COL25A1: variants seen among roughly 807,000 people sequenced by gnomAD.
The protein encoded by COL25A1 is collagen type XXV alpha 1 chain, also known as collagen alpha-1(XXV) chain.
A neutral mutation model predicts 128.4 loss-of-function variants in COL25A1; 103 were observed. That is an observed-to-expected ratio of 0.80 (90% CI 0.68 to 0.94). COL25A1 has a LOEUF of 0.94. Among genes scored for constraint, COL25A1 ranks in the 40% least tolerant of loss-of-function variants. The pLI is 0.00. For synonymous variants in COL25A1, 279 were observed against 277.2 expected, an observed-to-expected ratio of 1.01 and a Z score of -0.06; for missense variants, 745 against 840.0, an observed-to-expected ratio of 0.89 and a Z score of 1.40.
chr4:109,143,556 T>G (rs760365848), intron 3 of COL25A1, among the ~76,000 whole-genome samples: 3 of 152,230 alleles, frequency 2.0e-5, no homozygotes, highest in Non-Finnish European at 4.4e-5. Context: ...CAAACATAGG[T>G]TTGGTCTTTT....
intron 3 of COL25A1, among the ~76,000 whole-genome samples, chr4:109,272,438 T>C (rs1173294104): frequency 3.9e-5 from 6 of 152,124 alleles, no homozygotes; most frequent in Admixed American, 2.6e-4. Flanking sequence ...CTGGAAATCA[T>C]TTAATCCAAT....
chr4:109,166,213 T>C (rs1477305712), intron 3 of COL25A1, among the ~76,000 whole-genome samples: 1 of 151,776 alleles, frequency 6.6e-6, no homozygotes, highest in African/African-American at 2.4e-5. Flanking sequence ...TTCCATGGCA[T>C]ATTCCAGATT....
intron 6 of COL25A1, among the ~76,000 whole-genome samples, chr4:109,008,004 G>C (rs1054250484): frequency 2.0e-5 from 3 of 152,064 alleles, no homozygotes; most frequent in Admixed American, 2.0e-4. Context: ...TGCATTTAAT[G>C]CTGCCTTTAT....
intron 3 of COL25A1, among the ~76,000 whole-genome samples, chr4:109,094,546 A>C (rs1024147026): frequency 2.0e-5 from 3 of 152,140 alleles, no homozygotes; most frequent in Admixed American, 2.0e-4. Context: ...GGAATCGTCT[A>C]CCCCCTTCTT....
chr4:109,235,255 G>A (rs1033359876), intron 3 of COL25A1, among the ~76,000 whole-genome samples: 1 of 152,140 alleles, frequency 6.6e-6, no homozygotes, highest in African/African-American at 2.4e-5. Flanking sequence ...GCCAGAGTCA[G>A]TGACACCAGT....
chr4:109,119,623 G>T (rs72617754), intron 3 of COL25A1, among the ~76,000 whole-genome samples: 4,935 of 151,978 alleles, frequency 0.032, 144 homozygotes, highest in South Asian at 0.13. Context: ...ATCTGAGTAC[G>T]CCTATTAATG....
chr4:108,872,371 G>T (rs1738831079), intron 19 of COL25A1, among the ~76,000 whole-genome samples: 1 of 152,184 alleles, frequency 6.6e-6, no homozygotes, highest in Non-Finnish European at 1.5e-5. Flanking sequence ...AGCTAAGATT[G>T]CGCCACTGCA....
intron 8 of COL25A1, among the ~76,000 whole-genome samples, chr4:108,966,603 C>T (rs937603068): frequency 6.6e-6 from 1 of 152,114 alleles, no homozygotes; most frequent in African/African-American, 2.4e-5. Context: ...AATCCCAGCA[C>T]TCAGGGTAGG....
At chr4:109,027,297 A>G (rs1758391172) in intron 5 of COL25A1, among the ~76,000 whole-genome samples, 1 of 152,170 alleles carries the variant, frequency 6.6e-6, no homozygotes, top group Non-Finnish European at 1.5e-5. Flanking sequence ...TGAATGGAAA[A>G]AAGGAGGAAA....
chr4:108,814,975 T>G (rs1731113355), intron 37 of COL25A1, among the ~76,000 whole-genome samples: 2 of 152,196 alleles, frequency 1.3e-5, no homozygotes, highest in South Asian at 4.1e-4. Flanking sequence ...GGAGGCTGCT[T>G]TCTAATCTTC....
chr4:109,008,554 T>C lies in COL25A1; in HGVS notation c.438+1804A>G, dbSNP rs181952115. ...AGAGGTCCTATTAAAAATTAAAATA[T>C]GTTAAAGATTACAATCTCTCAAAAC... On this transcript the variant is annotated intron_variant, in intron 6 of 37. Coordinates refer to ENST00000399132, the MANE Select transcript of COL25A1 (RefSeq NM_198721.4). Among the ~76,000 whole-genome samples the C allele has an allele frequency of 3.3e-4, 51 of 152,284 alleles. No homozygotes were observed. In the East Asian group the frequency reaches 6.0e-3, roughly 18 times the overall value.
rs533284292 is a variant in COL25A1 at position 109,287,882 on chromosome 4, A to G, written c.367+12701T>C. Among the ~76,000 whole-genome samples the G allele has an allele frequency of 2.6e-5, 4 of 152,326 alleles. No homozygotes were observed. In the East Asian group the frequency reaches 7.7e-4, roughly 29 times the overall value. On this transcript the variant is annotated intron_variant, in intron 3 of 37. Transcript: ENST00000399132. ...GGGTAGAAGAGGTAAAGCAAGATCAAACAAGGCAGACCAATGGGAGACATA... is the reference window on the plus strand; with the variant it reads ...GGGTAGAAGAGGTAAAGCAAGATCAGACAAGGCAGACCAATGGGAGACATA...
intron 3 of COL25A1, among the ~76,000 whole-genome samples, chr4:109,080,650 G>A (rs777398106): frequency 5.9e-5 from 9 of 152,076 alleles, no homozygotes; most frequent in Admixed American, 1.3e-4. Context: ...TGTTGAACCC[G>A]GGGTTCTAAT....
rs1303814274 is a variant in COL25A1 at position 109,301,931 on chromosome 4, G to A, written c.89C>T (p.Thr30Ile). The A allele has an allele frequency of 1.1e-5, 17 of 1,613,976 alleles. No individual in the cohort carries two copies. Among genetic ancestry groups the A allele is most frequent in the Non-Finnish European group, 1.4e-5 (17 of 1,180,034 alleles). ...PTPAEQHCARTMPPCAVLAAL... is the reference protein window; with the variant it reads ...PTPAEQHCARIMPPCAVLAAL... ...CGCCAGGACGGCACACGGGGGCATG[G>A]TCCGGGCACAATGCTGTTCGGCAGG... The change falls in exon 2 of 38, where the codon ACC (threonine) becomes ATC (isoleucine). Residue 30 changes from threonine to isoleucine, a missense_variant. Thr to Ile is a moderately conservative substitution (Grantham distance 89). Coordinates refer to ENST00000399132, the MANE Select transcript of COL25A1 (RefSeq NM_198721.4).
chr4:109,287,056 AC>A (rs541944353), intron 3 of COL25A1, among the ~76,000 whole-genome samples: 1 of 152,134 alleles, frequency 6.6e-6, no homozygotes, highest in Non-Finnish European at 1.5e-5. Flanking sequence ...ATACACACAC[AC>A]AAAAAAATCC....
chr4:109,235,861 T>C (rs1779441944), intron 3 of COL25A1, among the ~76,000 whole-genome samples: 1 of 152,090 alleles, frequency 6.6e-6, no homozygotes, highest in Admixed American at 6.6e-5. Context: ...CATTATCTAT[T>C]TATAGCAAAG....
At chr4:109,248,738 T>C (rs1197420002) in intron 3 of COL25A1, among the ~76,000 whole-genome samples, 1 of 151,968 alleles carries the variant, frequency 6.6e-6, no homozygotes, top group Non-Finnish European at 1.5e-5. Flanking sequence ...AGCTGATTAA[T>C]GAGGGGTGGG....
At chr4:108,871,177 T>A (rs1187144654) in intron 19 of COL25A1, among the ~76,000 whole-genome samples, 1 of 152,148 alleles carries the variant, frequency 6.6e-6, no homozygotes, top group Non-Finnish European at 1.5e-5. Flanking sequence ...GTATGGAAAG[T>A]TCTTTTTTTT....
intron 3 of COL25A1, among the ~76,000 whole-genome samples, chr4:109,095,884 T>C (rs1165593877): frequency 2.0e-5 from 3 of 152,100 alleles, no homozygotes; most frequent in African/African-American, 4.8e-5. Context: ...CAGCACAAAA[T>C]TAATCACATA....
Sources: allele counts gnomAD v4.1 joint callset (sites outside exome capture counted in the v4.1 genomes callset), GRCh38; gene constraint gnomAD v4.1.1; transcripts MANE v1.5; gene names NCBI Gene and HGNC (gene_info 2026-07-23, HGNC 2026-07-21).